Variants in WDR19 observed in about 807,000 individuals in gnomAD.
The protein encoded by WDR19 is WD repeat-containing protein 19.
WDR19 carries 121 observed loss-of-function variants against 180.0 expected under a neutral mutation model. The observed-to-expected ratio is 0.67, with a 90% CI of 0.58 to 0.78. The LOEUF is 0.78. WDR19 is among the 30% of genes least tolerant of loss of function. The pLI is 0.00. For synonymous variants in WDR19, 497 were observed against 540.7 expected, an observed-to-expected ratio of 0.92 and a Z score of 1.12; for missense variants, 1,450 against 1,640.7, an observed-to-expected ratio of 0.88 and a Z score of 2.01.
At chr4:39,197,354 A>G (rs1186719125) in intron 5 of WDR19, among the ~76,000 whole-genome samples, 1 of 149,878 alleles carries the variant, frequency 6.7e-6, no homozygotes, top group Non-Finnish European at 1.5e-5. Flanking sequence ...TGAACCCAGG[A>G]GGCAGAAGCT....
intron 28 of WDR19, among the ~76,000 whole-genome samples, chr4:39,258,936 C>G (rs183156087): frequency 6.2e-4 from 95 of 152,142 alleles, no homozygotes; most frequent in African/African-American, 2.2e-3. Flanking sequence ...GACATAGTGG[C>G]GGGCACCTGT....
chr4:39,278,067 ATTGACT>A, intron 34 of WDR19, 58 bp from the exon 35 acceptor site: 3 of 1,399,022 alleles, frequency 2.1e-6, no homozygotes, highest in Admixed American at 4.6e-5. Flanking sequence ...AAAAAAAAAA[ATTGACT>A]AACAGTGGGA....
intron 9 of WDR19, among the ~76,000 whole-genome samples, chr4:39,213,419 A>G (rs1428652175): frequency 6.6e-6 from 1 of 152,252 alleles, no homozygotes; most frequent in African/African-American, 2.4e-5. Context: ...GATACACCCA[A>G]CAACTTGAAT....
intron 15 of WDR19, among the ~76,000 whole-genome samples, chr4:39,225,594 A>G (rs1392216063): frequency 6.6e-6 from 1 of 152,162 alleles, no homozygotes; most frequent in Non-Finnish European, 1.5e-5. Context: ...TGGATTTTTC[A>G]TTTACTTTTT....
intron 9 of WDR19, among the ~76,000 whole-genome samples, chr4:39,210,305 G>A (rs1004714142): frequency 6.6e-6 from 1 of 152,180 alleles, no homozygotes; most frequent in Non-Finnish European, 1.5e-5. Flanking sequence ...ATGTAGCAAT[G>A]TATAAAAAGA....
chr4:39,194,904 T>A, intron 5 of WDR19: 1 of 418,092 alleles, frequency 2.4e-6, no homozygotes. Flanking sequence ...ATCAGGACAT[T>A]AACAGCATGG....
intron 28 of WDR19, among the ~76,000 whole-genome samples, 188 bp downstream of exon 28, chr4:39,257,742 GT>G (rs575721802): frequency 2.0e-5 from 3 of 147,140 alleles, no homozygotes; most frequent in Non-Finnish European, 3.0e-5. Context: ...TCTTTCCCCG[GT>G]TTTTTTTTTA....
chr4:39,274,975 A>G lies in WDR19; in HGVS notation c.3716+17A>G, dbSNP rs1164575672. The G allele has an allele frequency of 1.9e-6, 3 of 1,609,618 alleles. No individual in the cohort carries two copies. The African/African-American group carries it at 4.1e-5, about 22-fold the overall frequency. On this transcript the variant is annotated intron_variant, in intron 33 of 36. Coordinates refer to ENST00000399820, the MANE Select transcript of WDR19 (RefSeq NM_025132.4). ...AATGGTCAGGTAGGCAGAGATGGCT[A>G]TTTCTGCTATCTAATCGTATTTCTC... is the stretch of plus-strand genomic sequence containing the variant.
intron 36 of WDR19, among the ~76,000 whole-genome samples, chr4:39,281,236 T>TATATATATAGAGAGAGAG (rs762298152): frequency 6.1e-4 from 63 of 103,984 alleles, no homozygotes; most frequent in African/African-American, 2.2e-3. Context: ...TATATATATA[T>TATATATATAGAGAGAGAG]AGAGAGAGAG....
At chr4:39,230,226 C>T (rs148886032) in intron 17 of WDR19, among the ~76,000 whole-genome samples, 2 of 152,348 alleles carry the variant, frequency 1.3e-5, no homozygotes, top group East Asian at 1.9e-4. Flanking sequence ...CTCTGTTCCA[C>T]TGGCTGCTGA....
chr4:39,275,284 G>A, intron 33 of WDR19: 1 of 335,112 alleles, frequency 3.0e-6, no homozygotes, highest in South Asian at 2.6e-5. Context: ...AGGTTGCAGT[G>A]AGCCGAGATC....
At chr4:39,232,855 GT>G (rs552904661) in intron 19 of WDR19, among the ~76,000 whole-genome samples, 1 of 152,066 alleles carries the variant, frequency 6.6e-6, no homozygotes, top group South Asian at 2.1e-4. Context: ...TAATTATAAT[GT>G]TAATCATTAA....
chr4:39,281,215 G>GTGTGTGTGTGTATA (rs1167602972), intron 36 of WDR19, among the ~76,000 whole-genome samples: 4 of 110,120 alleles, frequency 3.6e-5, no homozygotes, highest in Admixed American at 1.6e-4. Flanking sequence ...ATGTGTGTGT[G>GTGTGTGTGTGTATA]TATATATATA....
chr4:39,279,000 A>G (rs1024878411), intron 36 of WDR19, among the ~76,000 whole-genome samples: 1 of 152,166 alleles, frequency 6.6e-6, no homozygotes, highest in African/African-American at 2.4e-5. Context: ...AGGAGAATAT[A>G]TTGTAAAAAT....
intron 7 of WDR19, among the ~76,000 whole-genome samples, chr4:39,204,084 T>G (rs1415106107): frequency 1.3e-5 from 2 of 151,954 alleles, no homozygotes; most frequent in African/African-American, 4.8e-5. Flanking sequence ...GCTTGTTTTT[T>G]TTTGTTTGTT....
intron 9 of WDR19, among the ~76,000 whole-genome samples, chr4:39,207,191 T>C (rs1728049632): frequency 2.0e-5 from 3 of 152,126 alleles, no homozygotes; most frequent in Admixed American, 1.3e-4. Flanking sequence ...TAAAATGCAA[T>C]AAATTTGATA....
At chr4:39,189,632 G>T (rs780777625) in intron 3 of WDR19, 24 bp from the exon 4 acceptor site, 60 of 1,564,826 alleles carry the variant, frequency 3.8e-5, no homozygotes, top group Non-Finnish European at 5.0e-5. Flanking sequence ...CTGTATAGTG[G>T]TATTTTGCTC....
At chr4:39,242,842 G>C (rs1414261295) in intron 21 of WDR19, among the ~76,000 whole-genome samples, 1 of 151,990 alleles carries the variant, frequency 6.6e-6, no homozygotes, top group Non-Finnish European at 1.5e-5. Flanking sequence ...GCTAATTTTT[G>C]TATTTGGTAG....
intron 28 of WDR19, among the ~76,000 whole-genome samples, chr4:39,259,388 G>A (rs1734067517): frequency 6.6e-6 from 1 of 152,154 alleles, no homozygotes; most frequent in Non-Finnish European, 1.5e-5. Flanking sequence ...TTAGTCGTCT[G>A]TCCTTGTACC....
Sources: allele counts gnomAD v4.1 joint callset (sites outside exome capture counted in the v4.1 genomes callset), GRCh38; gene constraint gnomAD v4.1.1; transcripts MANE v1.5; gene names NCBI Gene and HGNC (gene_info 2026-07-23, HGNC 2026-07-21).